The following CENPW variants were observed in gnomAD, a reference collection of about 807,000 sequenced individuals.
CENPW encodes centromere protein W.
A neutral mutation model predicts 11.1 loss-of-function variants in CENPW; 3 were observed. That is an observed-to-expected ratio of 0.27 (90% CI 0.12 to 0.70). CENPW has a LOEUF of 0.70. Ranked by LOEUF, CENPW falls within the 30% of genes least tolerant of loss-of-function variation. CENPW has a pLI of 0.77. For synonymous variants in CENPW, 38 were observed against 42.0 expected, an observed-to-expected ratio of 0.91 and a Z score of 0.37; for missense variants, 100 against 105.6, an observed-to-expected ratio of 0.95 and a Z score of 0.23.
At chr6:126,403,852 A>T in the CENPW span, among the ~76,000 whole-genome samples, 1 of 152,122 alleles carries the variant, frequency 6.6e-6, no homozygotes, top group African/African-American at 2.4e-5. Flanking sequence ...GATGAAATAG[A>T]TTCACATTGG....
chr6:126,346,162 A>G (rs1185925549), intron 1 of CENPW, 43 bp from the exon 2 acceptor site: 2 of 1,011,886 alleles, frequency 2.0e-6, no homozygotes, highest in East Asian at 4.9e-5. Flanking sequence ...TCAATGCATC[A>G]GTATTTGAGC....
the CENPW span, among the ~76,000 whole-genome samples, chr6:126,355,533 A>T: frequency 7.1e-6 from 1 of 140,906 alleles, no homozygotes; most frequent in African/African-American, 2.5e-5. Flanking sequence ...TAACCTGAAG[A>T]CAGTAATTTG....
At chr6:126,387,691 T>C in the CENPW span, among the ~76,000 whole-genome samples, 1,279 of 152,086 alleles carry the variant, frequency 8.4e-3, 14 homozygotes, top group African/African-American at 0.03. Context: ...CTACCGATTA[T>C]TGGGTTTACA....
the CENPW span, among the ~76,000 whole-genome samples, chr6:126,459,350 G>C: frequency 6.6e-6 from 1 of 151,546 alleles, no homozygotes; most frequent in South Asian, 2.1e-4. Flanking sequence ...AGAAGATAAA[G>C]AATTAATAAA....
chr6:126,454,953 C>A, the CENPW span, among the ~76,000 whole-genome samples: 1 of 151,054 alleles, frequency 6.6e-6, no homozygotes, highest in Non-Finnish European at 1.5e-5. Flanking sequence ...TTTAGGCACA[C>A]ACATTTGAAA....
chr6:126,461,739 G>A, the CENPW span, among the ~76,000 whole-genome samples: 1 of 151,904 alleles, frequency 6.6e-6, no homozygotes, highest in Non-Finnish European at 1.5e-5. Context: ...AGAGAATGAT[G>A]ATACAGCTTT....
At chr6:126,347,884 A>G (rs897992071) in intron 2 of CENPW, among the ~76,000 whole-genome samples, 1 of 151,732 alleles carries the variant, frequency 6.6e-6, no homozygotes, top group African/African-American at 2.4e-5. Flanking sequence ...TCCTTTTTTT[A>G]TTTGTGCCAC....
the CENPW span, among the ~76,000 whole-genome samples, chr6:126,423,372 T>G: frequency 1.3e-5 from 2 of 152,110 alleles, no homozygotes; most frequent in Non-Finnish European, 2.9e-5. Context: ...GAAATTGACA[T>G]ATTGATGTAC....
At chr6:126,408,661 C>T in the CENPW span, among the ~76,000 whole-genome samples, 1 of 152,104 alleles carries the variant, frequency 6.6e-6, no homozygotes, top group African/African-American at 2.4e-5. Flanking sequence ...TCTCAATATT[C>T]TTATTGATCT....
At chr6:126,341,666 C>T (rs575445805) in intron 1 of CENPW, among the ~76,000 whole-genome samples, 15 of 152,284 alleles carry the variant, frequency 9.9e-5, no homozygotes, top group African/African-American at 3.4e-4. Context: ...ATAGAGGTGG[C>T]ACAAATGAAC....
chr6:126,395,918 A>G, the CENPW span, among the ~76,000 whole-genome samples: 73,793 of 151,934 alleles, frequency 0.49, 19,351 homozygotes, highest in East Asian at 0.97. Context: ...TGGGCCACAT[A>G]GAGCTGGGGG....
chr6:126,376,785 T>A, the CENPW span, among the ~76,000 whole-genome samples: 1 of 152,088 alleles, frequency 6.6e-6, no homozygotes, highest in Non-Finnish European at 1.5e-5. Flanking sequence ...CCAAAAAAAG[T>A]GTTCCATATG....
At chr6:126,446,975 T>C in the CENPW span, among the ~76,000 whole-genome samples, 2 of 151,192 alleles carry the variant, frequency 1.3e-5, no homozygotes, top group African/African-American at 4.8e-5. Context: ...ATCTTATGCC[T>C]CTAAGAAGCT....
the CENPW span, among the ~76,000 whole-genome samples, chr6:126,478,722 A>G: frequency 6.6e-6 from 1 of 151,992 alleles, no homozygotes; most frequent in Non-Finnish European, 1.5e-5. Context: ...TAGGAAGGTG[A>G]TAGTCCCAAA....
At chr6:126,362,405 C>G in the CENPW span, among the ~76,000 whole-genome samples, 1 of 152,152 alleles carries the variant, frequency 6.6e-6, no homozygotes, top group Non-Finnish European at 1.5e-5. Flanking sequence ...TGAGCTGTCC[C>G]TCAGTCCCTT....
At chr6:126,357,603 A>G in the CENPW span, among the ~76,000 whole-genome samples, 1 of 151,070 alleles carries the variant, frequency 6.6e-6, no homozygotes, top group Non-Finnish European at 1.5e-5. Context: ...GCAATATTTC[A>G]TAGTTCTTTT....
At chr6:126,388,105 A>G in the CENPW span, among the ~76,000 whole-genome samples, 1 of 152,048 alleles carries the variant, frequency 6.6e-6, no homozygotes, top group Non-Finnish European at 1.5e-5. Context: ...TCACCAAGGA[A>G]AGAAATGTAT....
chr6:126,424,419 G>T, the CENPW span, among the ~76,000 whole-genome samples: 128 of 152,216 alleles, frequency 8.4e-4, no homozygotes, highest in African/African-American at 3.0e-3. Context: ...CATAGTGAAA[G>T]TAATTGGGTA....
At chr6:126,416,348 A>C in the CENPW span, among the ~76,000 whole-genome samples, 1 of 152,234 alleles carries the variant, frequency 6.6e-6, no homozygotes, top group East Asian at 1.9e-4. Context: ...AGCAGAGCAC[A>C]AAAGTTTGGA....
Sources: allele counts gnomAD v4.1 joint callset (sites outside exome capture counted in the v4.1 genomes callset), GRCh38; gene constraint gnomAD v4.1.1; transcripts MANE v1.5; gene names NCBI Gene and HGNC (gene_info 2026-07-23, HGNC 2026-07-21).